MRGPRD: variants seen among roughly 807,000 people sequenced by gnomAD.
MRGPRD encodes the protein mas-related G protein-coupled receptor member D.
For synonymous variants in MRGPRD, 185 were observed against 183.9 expected (o/e 1.01, Z -0.05); for missense variants, 392 against 413.4 (o/e 0.95, Z 0.45).
rs1415268143 is a variant in MRGPRD at position 68,980,333 on chromosome 11, C to T, written c.654G>A (p.Arg218=). 6.2e-7 allele frequency: 1 copy of T among 1,613,850 alleles called. No individual in the cohort carries two copies. The highest frequency in any genetic ancestry group is 2.2e-5 in the East Asian group (1 of 44,870). ...SSQQWRRQPT[R]LFVVVLASVL... ...CAGAGGCCAGGACCACCACGAACAG[C>T]CGTGTGGGCTGCCGCCGCCACTGCT... is the stretch of plus-strand genomic sequence containing the variant. Residue 218 remains arginine (R), a synonymous_variant, in exon 1 of 1, where the codon CGG becomes CGA. Transcript: ENST00000309106. The surrounding 1 kb of genome is among the most constrained non-coding windows in gnomAD (Gnocchi z 4.4).
chr11:68,980,475 T>C lies in MRGPRD; in HGVS notation c.512A>G (p.Asn171Ser), dbSNP rs201935555. 86 of 1,613,972 alleles carry C rather than the reference T, an allele frequency of 5.3e-5. No homozygotes were observed. The highest frequency in any genetic ancestry group is 1.3e-4 in the Admixed American group (8 of 59,992). ...GTCCACCCTGAAGCACCGATCTTCA[T>C]TGAATTTCAAGAACTTGCTGCAGAA... ...SSFCSKFLKF[N>S]EDRCFRVDMV... Residue 171 changes from asparagine (N) to serine (S), a missense_variant, in exon 1 of 1, where the codon AAT (asparagine) becomes AGT (serine). By Grantham distance (46) the Asn-to-Ser change is conservative. Transcript: ENST00000309106. This position sits in a 1 kb window ranked among gnomAD's most constrained non-coding sequence, Gnocchi z 4.4.
Position 68,980,510 on chromosome 11 carries a change from C to G in MRGPRD, c.477G>C (p.Leu159Phe). Residue 159 changes from leucine (L) to phenylalanine (F), a missense_variant, in exon 1 of 1, where the codon TTG becomes TTC. By Grantham distance (22) the Leu-to-Phe change is conservative. Transcript: ENST00000309106. This position sits in a 1 kb window ranked among gnomAD's most constrained non-coding sequence, Gnocchi z 4.4. ...LWTLCLLMNG[L>F]TSSFCSKFLK... ...AGAACTTGCTGCAGAAGGAAGAGGT[C>G]AACCCGTTCATCAGGAGACAGAGTG... 6.2e-7 allele frequency: 1 copy of G among 1,614,038 alleles called. No individual in the cohort carries two copies. The highest frequency in any genetic ancestry group is 8.5e-7 in the Non-Finnish European group (1 of 1,179,948).
rs768112042 is a variant in MRGPRD, at chr11:68,980,089, G to C, written c.898C>G (p.Leu300Val). 6.5e-7 allele frequency: 1 copy of C among 1,541,614 alleles called. No homozygotes were observed. The highest frequency in any genetic ancestry group is 2.3e-5 in the East Asian group (1 of 44,304). The change falls in exon 1 of 1, where the codon CTT becomes GTT. Residue 300 changes from leucine to valine, a missense_variant. By Grantham distance (32) the Leu-to-Val change is conservative (BLOSUM62 1). Coordinates refer to ENST00000309106, the MANE Select transcript of MRGPRD (RefSeq NM_198923.2). This position sits in a 1 kb window ranked among gnomAD's most constrained non-coding sequence, Gnocchi z 4.4. ...CCTTCCAGCTCGGGCTCCTCGCGAA[G>C]CGCCTGTTGGAGCACAGTCCCCAGG... ...RSLGTVLQQA[L>V]REEPELEGGE...
Position 68,980,433 on chromosome 11 carries a change from A to T in MRGPRD, c.554T>A (p.Leu185His), listed in dbSNP as rs1362929000. Residue 185 changes from leucine (L) to histidine (H), a missense_variant, in exon 1 of 1, where the codon CTC becomes CAC. Leu to His is a moderately conservative substitution (Grantham distance 99, BLOSUM62 -3). Transcript: ENST00000309106. This position sits in a 1 kb window ranked among gnomAD's most constrained non-coding sequence, Gnocchi z 4.4. ...CACTGGGGTTAAGACCCCCATGATG[A>T]GGGCGGCCTGGACCATGTCCACCCT... ...CFRVDMVQAALIMGVLTPVMT... is the reference protein window; with the variant it reads ...CFRVDMVQAAHIMGVLTPVMT... 3.7e-6 allele frequency: 6 copies of T among 1,613,818 alleles called. No homozygotes were observed. Among genetic ancestry groups the T allele is most frequent in the Non-Finnish European group, 4.2e-6 (5 of 1,179,944 alleles).
At position 68,980,401 on chromosome 11, in the gene MRGPRD, G is replaced by C. The variant is rs1398444822; in HGVS notation, c.586C>G (p.Leu196Val). The change falls in exon 1 of 1, where the codon CTG (leucine) becomes GTG (valine). Residue 196 changes from leucine (L) to valine (V), a missense_variant. By Grantham distance (32) the Leu-to-Val change is conservative. Coordinates refer to ENST00000309106, the MANE Select transcript of MRGPRD (RefSeq NM_198923.2). This position sits in a 1 kb window ranked among gnomAD's most constrained non-coding sequence, Gnocchi z 4.4. ...IMGVLTPVMT[L>V]SSLTLFVWVR... ...CAGACAAAGAGGGTCAGGCTGGACAGAGTCATCACTGGGGTTAAGACCCCC... is the reference window on the plus strand; with the variant it reads ...CAGACAAAGAGGGTCAGGCTGGACACAGTCATCACTGGGGTTAAGACCCCC... 1 of 1,613,686 alleles carries C rather than the reference G, an allele frequency of 6.2e-7. No individual in the cohort carries two copies. The highest frequency in any genetic ancestry group is 1.3e-5 in the African/African-American group (1 of 74,900).
In MRGPRD at chr11:68,980,346, C is replaced by T. The variant is rs753166976; in HGVS notation, c.641G>A (p.Arg214Gln). 159 of 1,613,514 alleles carry T rather than the reference C, an allele frequency of 9.9e-5. No homozygotes were observed. In the South Asian group the frequency reaches 1.4e-3, roughly 15 times the overall value. The change falls in exon 1 of 1, where the codon CGG becomes CAG. Residue 214 changes from arginine (R) to glutamine (Q), a missense_variant. Arg to Gln is a conservative substitution (Grantham distance 43, BLOSUM62 1). Coordinates refer to ENST00000309106, the MANE Select transcript of MRGPRD (RefSeq NM_198923.2). The surrounding 1 kb of genome is among the most constrained non-coding windows in gnomAD (Gnocchi z 4.4). ...CACCACGAACAGCCGTGTGGGCTGC[C>T]GCCGCCACTGCTGGGAGCTCCTCCG... is the stretch of plus-strand genomic sequence containing the variant. ...WVRRSSQQWR[R>Q]QPTRLFVVVL...
chr11:68,980,756 G>A lies in MRGPRD; in HGVS notation c.231C>T (p.Phe77=), dbSNP rs773808826. ...CCAGGCTGAGCGTGGAAGCCATGCT[G>A]AAGAGGAAGAGGAGGTCGGCTGCCG... ...NLAAADLLFL[F]SMASTLSLET... is the part of the protein sequence containing the mutation. The change falls in exon 1 of 1, where the codon TTC becomes TTT. Residue 77 remains phenylalanine (F), a synonymous_variant. Coordinates refer to ENST00000309106, the MANE Select transcript of MRGPRD (RefSeq NM_198923.2). This position sits in a 1 kb window ranked among gnomAD's most constrained non-coding sequence, Gnocchi z 4.4. The A allele has an allele frequency of 6.2e-7, 1 of 1,613,730 alleles. No homozygotes were observed. The highest frequency in any genetic ancestry group is 8.5e-7 in the Non-Finnish European group (1 of 1,180,040).
chr11:68,980,294 G>A lies in MRGPRD; in HGVS notation c.693C>T (p.Leu231=), dbSNP rs545567692. 1.2e-6 allele frequency: 2 copies of A among 1,614,054 alleles called. No individual in the cohort carries two copies. Among genetic ancestry groups the A allele is most frequent in the African/African-American group, 1.3e-5 (1 of 75,052 alleles). ...VVVLASVLVF[L]ICSLPLSIYW... is the part of the protein sequence containing the mutation. Reference sequence around the variant, plus strand: ...AGATGCTCAGAGGCAGGGAACAGATGAGGAACACCAGGACAGAGGCCAGGA... The same window carrying A: ...AGATGCTCAGAGGCAGGGAACAGATAAGGAACACCAGGACAGAGGCCAGGA... Residue 231 remains leucine (L), a synonymous_variant, in exon 1 of 1, where the codon CTC becomes CTT. Transcript: ENST00000309106. The surrounding 1 kb of genome is among the most constrained non-coding windows in gnomAD (Gnocchi z 4.4).
Position 68,980,773 on chromosome 11 carries a change from C to T in MRGPRD, c.214G>A (p.Asp72Asn), listed in dbSNP as rs752687308. Reference protein sequence around the residue: ...CIYILNLAAADLLFLFSMAST... With the variant: ...CIYILNLAAANLLFLFSMAST... Reference sequence around the variant, plus strand: ...GCCATGCTGAAGAGGAAGAGGAGGTCGGCTGCCGCCAGGTTGAGGATATAG... The same window carrying T: ...GCCATGCTGAAGAGGAAGAGGAGGTTGGCTGCCGCCAGGTTGAGGATATAG... Residue 72 changes from aspartate (D) to asparagine (N), a missense_variant, in exon 1 of 1, where the codon GAC (aspartate) becomes AAC (asparagine). Asp to Asn is a conservative substitution (Grantham distance 23). Coordinates refer to ENST00000309106, the MANE Select transcript of MRGPRD (RefSeq NM_198923.2). This position sits in a 1 kb window ranked among gnomAD's most constrained non-coding sequence, Gnocchi z 4.4. The T allele has an allele frequency of 3.7e-5, 60 of 1,613,488 alleles. No individual in the cohort carries two copies. Among genetic ancestry groups the T allele is most frequent in the South Asian group, 1.4e-4 (13 of 91,050 alleles).
Position 68,980,389 on chromosome 11 carries a change from T to A in MRGPRD, c.598A>T (p.Thr200Ser). The change falls in exon 1 of 1, where the codon ACC becomes TCC. Residue 200 changes from threonine to serine, a missense_variant. Transcript: ENST00000309106. This position sits in a 1 kb window ranked among gnomAD's most constrained non-coding sequence, Gnocchi z 4.4. ...LTPVMTLSSL[T>S]LFVWVRRSSQ... Reference sequence around the variant, plus strand: ...CTCCTCCGCACCCAGACAAAGAGGGTCAGGCTGGACAGAGTCATCACTGGG... The same window carrying A: ...CTCCTCCGCACCCAGACAAAGAGGGACAGGCTGGACAGAGTCATCACTGGG... 1 of 1,611,982 alleles carries A rather than the reference T, an allele frequency of 6.2e-7. No individual in the cohort carries two copies. The highest frequency in any genetic ancestry group is 8.5e-7 in the Non-Finnish European group (1 of 1,179,342).
chr11:68,980,918 C>A lies in MRGPRD; in HGVS notation c.69G>T (p.Val23=). Residue 23 remains valine (V), a synonymous_variant, in exon 1 of 1, where the codon GTG becomes GTT. Coordinates refer to ENST00000309106, the MANE Select transcript of MRGPRD (RefSeq NM_198923.2). The surrounding 1 kb of genome is among the most constrained non-coding windows in gnomAD (Gnocchi z 4.4). ...AGCTCAGCACCAGGTAGGCCGTGTG[C>A]ACTGTGCTCCCTCTGGAATAGTTTA... ...SALNYSRGST[V]HTAYLVLSSL... The A allele has an allele frequency of 6.2e-7, 1 of 1,610,608 alleles. No homozygotes were observed.
the MRGPRD span, chr11:68,980,233 C>A: frequency 1.2e-6 from 2 of 1,611,720 alleles, no homozygotes. The surrounding 1 kb of genome is among the most constrained non-coding windows in gnomAD (Gnocchi z 4.4). Flanking sequence ...ACCTGCATCT[C>A]GGGCGGCAGG....
At position 68,980,897 on chromosome 11, in the gene MRGPRD, C is replaced by T; in HGVS notation, c.90G>A (p.Leu30=). Residue 30 remains leucine (L), a synonymous_variant, in exon 1 of 1, where the codon CTG becomes CTA. Transcript: ENST00000309106. This position sits in a 1 kb window ranked among gnomAD's most constrained non-coding sequence, Gnocchi z 4.4. ...GSTVHTAYLV[L]SSLAMFTCLC... is the part of the protein sequence containing the mutation. ...GGCAGGTGAACATGGCCAGGGAGCTCAGCACCAGGTAGGCCGTGTGCACTG... is the reference window on the plus strand; with the variant it reads ...GGCAGGTGAACATGGCCAGGGAGCTTAGCACCAGGTAGGCCGTGTGCACTG... 6.2e-7 allele frequency: 1 copy of T among 1,613,996 alleles called. No individual in the cohort carries two copies. The highest frequency in any genetic ancestry group is 8.5e-7 in the Non-Finnish European group (1 of 1,179,928).
rs780051705 is a variant in MRGPRD at position 68,980,439 on chromosome 11, G to C, written c.548C>G (p.Ala183Gly). The C allele has an allele frequency of 6.2e-7, 1 of 1,613,922 alleles. No homozygotes were observed. The highest frequency in any genetic ancestry group is 1.1e-5 in the South Asian group (1 of 91,056). Residue 183 changes from alanine (A) to glycine (G), a missense_variant, in exon 1 of 1, where the codon GCC becomes GGC. Physicochemically the swap from Ala to Gly is moderately conservative, Grantham distance 60. Coordinates refer to ENST00000309106, the MANE Select transcript of MRGPRD (RefSeq NM_198923.2). The surrounding 1 kb of genome is among the most constrained non-coding windows in gnomAD (Gnocchi z 4.4). ...DRCFRVDMVQ[A>G]ALIMGVLTPV... ...GGTTAAGACCCCCATGATGAGGGCG[G>C]CCTGGACCATGTCCACCCTGAAGCA...
rs747928237 is a variant in MRGPRD at position 68,980,682 on chromosome 11, T to A, written c.305A>T (p.Lys102Met). ...TGTGTAGGCAAAGTACATCAGTCTC[T>A]TCATCAGCTCGTGGACCTTGTCAGT... ...NTTDKVHELM[K>M]RLMYFAYTVG... The change falls in exon 1 of 1, where the codon AAG becomes ATG. Residue 102 changes from lysine (K) to methionine (M), a missense_variant. Transcript: ENST00000309106. The surrounding 1 kb of genome is among the most constrained non-coding windows in gnomAD (Gnocchi z 4.4). 3.3e-5 allele frequency: 53 copies of A among 1,613,820 alleles called. No individual in the cohort carries two copies. Among genetic ancestry groups the A allele is most frequent in the Non-Finnish European group, 4.5e-5 (53 of 1,180,022 alleles).
At position 68,980,620 on chromosome 11, in the gene MRGPRD, G is replaced by T. The variant is rs775523775; in HGVS notation, c.367C>A (p.Arg123Ser). Residue 123 changes from arginine (R) to serine (S), a missense_variant, in exon 1 of 1, where the codon CGC (arginine) becomes AGC (serine). Coordinates refer to ENST00000309106, the MANE Select transcript of MRGPRD (RefSeq NM_198923.2). This position sits in a 1 kb window ranked among gnomAD's most constrained non-coding sequence, Gnocchi z 4.4. ...ATAGGGAAGAGGACAGAGAGACAGC[G>T]CTGGGTGCTGATGGCCGTCAGCAGG... ...LSLLTAISTQ[R>S]CLSVLFPIWF... The T allele has an allele frequency of 1.9e-6, 3 of 1,614,146 alleles. No individual in the cohort carries two copies. The South Asian group carries it at 3.3e-5, about 18-fold the overall frequency.
rs145464203 is a variant in MRGPRD, at chr11:68,980,124, G to C, written c.863C>G (p.Pro288Arg). The change falls in exon 1 of 1, where the codon CCC becomes CGC. Residue 288 changes from proline (P) to arginine (R), a missense_variant. Pro to Arg is a moderately radical substitution (Grantham distance 103, BLOSUM62 -2). Coordinates refer to ENST00000309106, the MANE Select transcript of MRGPRD (RefSeq NM_198923.2). This position sits in a 1 kb window ranked among gnomAD's most constrained non-coding sequence, Gnocchi z 4.4. ...GAGCACAGTCCCCAGGGACCTGGTG[G>C]GCAGCCTGTGGCTCCTCCGGCTGCC... ...LVGSRRSHRL[P>R]TRSLGTVLQQ... 3.8e-6 allele frequency: 6 copies of C among 1,571,360 alleles called. No homozygotes were observed. The highest frequency in any genetic ancestry group is 2.1e-5 in the Admixed American group (1 of 47,346).
In MRGPRD at chr11:68,980,675, C is replaced by T. The variant is rs539537917; in HGVS notation, c.312G>A (p.Leu104=). 8.5e-5 allele frequency: 138 copies of T among 1,614,038 alleles called. No individual in the cohort carries two copies. Among genetic ancestry groups the T allele is most frequent in the Non-Finnish European group, 1.1e-4 (131 of 1,180,034 alleles). ...GGCCCACTGTGTAGGCAAAGTACAT[C>T]AGTCTCTTCATCAGCTCGTGGACCT... The part of the protein sequence containing the change: ...TDKVHELMKR[L]MYFAYTVGLS... Residue 104 remains leucine, a synonymous_variant, in exon 1 of 1, where the codon CTG becomes CTA. Transcript: ENST00000309106. This position sits in a 1 kb window ranked among gnomAD's most constrained non-coding sequence, Gnocchi z 4.4.
In MRGPRD at chr11:68,980,460, AAGCACCGAT is replaced by A. The variant is rs1286190490; in HGVS notation, c.518_526del (p.Asp173_Phe176delinsVal). 1.4e-5 allele frequency: 22 copies of A among 1,613,932 alleles called. No individual in the cohort carries two copies. The highest frequency in any genetic ancestry group is 1.7e-5 in the Non-Finnish European group (20 of 1,179,996). On this transcript the variant is annotated inframe_deletion, in exon 1 of 1. Coordinates refer to ENST00000309106, the MANE Select transcript of MRGPRD (RefSeq NM_198923.2). The surrounding 1 kb of genome is among the most constrained non-coding windows in gnomAD (Gnocchi z 4.4). ...GGCGGCCTGGACCATGTCCACCCTG[AAGCACCGAT>A]CTTCATTGAATTTCAAGAACTTGCT...
Sources: allele counts gnomAD v4.1 joint callset, GRCh38; gene constraint gnomAD v4.1.1; non-coding constraint Gnocchi (gnomAD v3.1); transcripts MANE v1.5; gene names NCBI Gene and HGNC (gene_info 2026-07-23, HGNC 2026-07-21).